Variants in YTHDC2 observed in about 807,000 individuals in gnomAD.
The protein encoded by YTHDC2 is YTH N6-methyladenosine RNA binding protein C2.
YTHDC2 carries 45 observed loss-of-function variants against 174.9 expected under a neutral mutation model. That is an observed-to-expected ratio of 0.26 (90% CI 0.20 to 0.33). YTHDC2 has a LOEUF of 0.33. YTHDC2 is among the 10% of genes least tolerant of loss of function. The pLI, the probability that YTHDC2 is intolerant of heterozygous loss-of-function variation, is 1.00. For synonymous variants in YTHDC2, 657 were observed against 574.5 expected (o/e 1.14, Z -2.05); for missense variants, 1,650 against 1,723.7 (o/e 0.96, Z 0.76).
At chr5:113,590,936 T>C (rs1051867161) in intron 26 of YTHDC2, 105 bp from the exon 27 acceptor site, 1 of 915,760 alleles carries the variant, frequency 1.1e-6, no homozygotes, top group Non-Finnish European at 1.6e-6. Context: ...GTTGAATATA[T>C]GATAAAATAT....
intron 26 of YTHDC2, among the ~76,000 whole-genome samples, chr5:113,584,978 C>T (rs1379946030): frequency 6.7e-6 from 1 of 149,776 alleles, no homozygotes; most frequent in Non-Finnish European, 1.5e-5. Flanking sequence ...TGGGGATCTC[C>T]CTTTGTTGCC....
At chr5:113,579,289 A>G (rs1778250179) in intron 23 of YTHDC2, among the ~76,000 whole-genome samples, 1 of 151,936 alleles carries the variant, frequency 6.6e-6, no homozygotes, top group African/African-American at 2.4e-5. Flanking sequence ...TCCTTGAATT[A>G]TGTTATTTGT....
At chr5:113,522,974 AG>A (rs1263263985) in intron 2 of YTHDC2, among the ~76,000 whole-genome samples, 4 of 152,058 alleles carry the variant, frequency 2.6e-5, no homozygotes, top group African/African-American at 4.8e-5. Flanking sequence ...GCTTATTATG[AG>A]GTTTTTTTTA....
At position 113,581,459 on chromosome 5, in the gene YTHDC2, T is replaced by G. The variant is rs767958863; in HGVS notation, c.3397T>G (p.Leu1133Val). Residue 1133 changes from leucine (L) to valine (V), a missense_variant, in exon 25 of 30, where the codon TTA (leucine) becomes GTA (valine). By Grantham distance (32) the Leu-to-Val change is conservative (BLOSUM62 1). This residue lies in a region of YTHDC2 where 913 missense variants were observed against 940.4 expected (regional missense o/e 0.97). Transcript: ENST00000161863. ...GCAGCTCAGACAGAAGTGGCATAGC[T>G]TATTTTTACGCCGAATGAGAGCTCC... ...LLQLRQKWHSLFLRRMRAPSK... is the reference protein window; with the variant it reads ...LLQLRQKWHSVFLRRMRAPSK... 6.2e-7 allele frequency: 1 copy of G among 1,612,914 alleles called. No individual in the cohort carries two copies. The highest frequency in any genetic ancestry group is 8.5e-7 in the Non-Finnish European group (1 of 1,179,552).
At chr5:113,586,934 A>G (rs1317911870) in intron 26 of YTHDC2, among the ~76,000 whole-genome samples, 1 of 112,894 alleles carries the variant, frequency 8.9e-6, no homozygotes, top group Non-Finnish European at 1.7e-5. Context: ...ATAAATATAT[A>G]TTATGTATTC....
intron 4 of YTHDC2, among the ~76,000 whole-genome samples, chr5:113,528,301 T>C (rs1203362489): frequency 6.6e-6 from 1 of 152,200 alleles, no homozygotes; most frequent in Non-Finnish European, 1.5e-5. Flanking sequence ...AAGAAACTGT[T>C]AATTTAATGA....
chr5:113,545,672 C>A (rs1384482226), intron 10 of YTHDC2, among the ~76,000 whole-genome samples: 1 of 151,080 alleles, frequency 6.6e-6, no homozygotes, highest in East Asian at 2.0e-4. Context: ...GGATTACAGA[C>A]ATGAGCCACT....
intron 12 of YTHDC2, among the ~76,000 whole-genome samples, chr5:113,550,835 T>G (rs1251838527): frequency 2.0e-5 from 3 of 152,050 alleles, no homozygotes; most frequent in African/African-American, 7.2e-5. Flanking sequence ...ATTAATTGTC[T>G]TTTAGATAGA....
chr5:113,531,546 G>A (rs565939822), intron 4 of YTHDC2, among the ~76,000 whole-genome samples: 2 of 151,908 alleles, frequency 1.3e-5, no homozygotes, highest in Non-Finnish European at 2.9e-5. Flanking sequence ...CTGTGTCTAC[G>A]AGCTCAGCTT....
At chr5:113,550,446 T>C (rs1237553374) in intron 12 of YTHDC2, among the ~76,000 whole-genome samples, 2 of 152,232 alleles carry the variant, frequency 1.3e-5, no homozygotes, top group South Asian at 4.1e-4. Context: ...ATAATCATAG[T>C]ATATTATTAG....
chr5:113,563,172 GA>G (rs1233006015), intron 18 of YTHDC2, among the ~76,000 whole-genome samples, 200 bp from the exon 19 acceptor site: 1 of 152,004 alleles, frequency 6.6e-6, no homozygotes, highest in African/African-American at 2.4e-5. Context: ...GTTGATTGAA[GA>G]GGGTATTTAT....
chr5:113,574,607 G>A (rs768037327), intron 23 of YTHDC2, among the ~76,000 whole-genome samples: 1 of 152,098 alleles, frequency 6.6e-6, no homozygotes, highest in Non-Finnish European at 1.5e-5. Context: ...CTGGGAACTC[G>A]GCCCCATCTC....
At chr5:113,535,057 G>T (rs1261997566) in intron 6 of YTHDC2, among the ~76,000 whole-genome samples, 1 of 152,062 alleles carries the variant, frequency 6.6e-6, no homozygotes, top group Non-Finnish European at 1.5e-5. Flanking sequence ...CATTAAATTG[G>T]ACTTTACTTA....
intron 27 of YTHDC2, 53 bp downstream of exon 27, chr5:113,591,297 A>G (rs756432046): frequency 1.8e-5 from 28 of 1,569,900 alleles, no homozygotes; most frequent in Non-Finnish European, 2.3e-5. Context: ...AGGTTAAATC[A>G]TAGAGATTTT....
chr5:113,536,691 A>G (rs1324418122), intron 7 of YTHDC2, among the ~76,000 whole-genome samples: 1 of 152,212 alleles, frequency 6.6e-6, no homozygotes, highest in Non-Finnish European at 1.5e-5. Flanking sequence ...ACTTAATGTA[A>G]GAACACAAAT....
At position 113,584,614 on chromosome 5, in the gene YTHDC2, C is replaced by A. The variant is rs1248523658; in HGVS notation, c.3825+135C>A. On this transcript the variant is annotated intron_variant, in intron 26 of 29. Transcript: ENST00000161863. Reference sequence around the variant, plus strand: ...CTAGATGTAAGTTGAAGCTAGCAAACTTGATACAGTTTGAGTAAATTTTAA... The same window carrying A: ...CTAGATGTAAGTTGAAGCTAGCAAAATTGATACAGTTTGAGTAAATTTTAA... 9.5e-6 allele frequency: 7 copies of A among 736,984 alleles called. No individual in the cohort carries two copies. In the East Asian group the frequency reaches 1.9e-4, roughly 20 times the overall value. The allele number at this position is 736,984 out of a possible 1,614,324, so 45.7% of individuals were successfully genotyped here.
intron 4 of YTHDC2, 54 bp from the exon 5 acceptor site, chr5:113,532,825 T>G: frequency 6.7e-7 from 1 of 1,501,110 alleles, no homozygotes; most frequent in Non-Finnish European, 9.0e-7. Flanking sequence ...TTCACTTAGA[T>G]TTTTTGTATT....
intron 5 of YTHDC2, 145 bp from the exon 6 acceptor site, chr5:113,534,160 A>G (rs771886457): frequency 7.6e-6 from 4 of 524,554 alleles, no homozygotes; most frequent in Non-Finnish European, 1.3e-5. Context: ...GCAAAACCTC[A>G]TAGCTTTACT....
intron 10 of YTHDC2, among the ~76,000 whole-genome samples, chr5:113,543,992 C>G (rs1240971382): frequency 6.6e-6 from 1 of 152,158 alleles, no homozygotes; most frequent in African/African-American, 2.4e-5. Flanking sequence ...ATTGTACTTT[C>G]ATTACCTGTC....
Sources: gnomAD v4.1 joint callset for allele counts (sites outside exome capture counted in the v4.1 genomes callset) on GRCh38, gnomAD v4.1.1 for gene constraint, gnomAD v4.1.1 regional missense constraint, MANE v1.5 for transcripts, NCBI Gene and HGNC (gene_info 2026-07-23, HGNC 2026-07-21) for gene names.